Variants in DNAH9 observed in about 807,000 individuals in gnomAD.
DNAH9 encodes DNAH9 variant protein.
DNAH9 carries 345 observed loss-of-function variants against 471.6 expected under a neutral mutation model. The observed-to-expected ratio is 0.73, with a 90% CI of 0.67 to 0.80. DNAH9 has a LOEUF of 0.80. DNAH9 is among the 30% of genes least tolerant of loss of function. The probability of loss-of-function intolerance (pLI) is 0.00; values close to 1 mark genes in which losing one functional copy is unlikely to be tolerated. For synonymous variants in DNAH9, 2,093 were observed against 2,123.6 expected, an observed-to-expected ratio of 0.99 and a Z score of 0.40; for missense variants, 5,407 against 5,609.2, an observed-to-expected ratio of 0.96 and a Z score of 1.15.
chr17:11,664,801 G>A (rs1262518565), intron 14 of DNAH9, 32 bp from the exon 15 acceptor site: 17 of 1,587,524 alleles, frequency 1.1e-5, no homozygotes, highest in African/African-American at 1.4e-5. Context: ...GCTATTAAAC[G>A]AGGTTTATAT....
At chr17:11,843,861 G>GTATATATATATATATA (rs1166364623) in intron 49 of DNAH9, among the ~76,000 whole-genome samples, 159 of 54,122 alleles carry the variant, frequency 2.9e-3, no homozygotes, top group African/African-American at 5.4e-3. Context: ...GTGTGTGTGT[G>GTATATATATATATATA]TGTATATATA....
intron 61 of DNAH9, among the ~76,000 whole-genome samples, chr17:11,912,825 A>G (rs1341026955): frequency 2.0e-5 from 3 of 152,178 alleles, no homozygotes; most frequent in Non-Finnish European, 2.9e-5. Flanking sequence ...CTAATAATCT[A>G]TACATCAGAA....
At position 11,699,623 on chromosome 17, in the gene DNAH9, A is replaced by T. The variant is rs1049059735; in HGVS notation, c.4873-108A>T. 4.2e-6 allele frequency: 4 copies of T among 950,662 alleles called. No individual in the cohort carries two copies. The African/African-American group carries it at 6.5e-5, about 15-fold the overall frequency. The allele number at this position is 950,662 out of a possible 1,614,324, so 58.9% of individuals were successfully genotyped here. On this transcript the variant is annotated intron_variant, in intron 22 of 68. Transcript: ENST00000262442. ...ACTTCCTTCTAAATGCTTGGTATCCACCACTCTGTCTTTCACAATGATTGC... is the reference window on the plus strand; with the variant it reads ...ACTTCCTTCTAAATGCTTGGTATCCTCCACTCTGTCTTTCACAATGATTGC...
chr17:11,751,842 G>A (rs1967163842), intron 32 of DNAH9, among the ~76,000 whole-genome samples: 1 of 152,032 alleles, frequency 6.6e-6, no homozygotes, highest in Admixed American at 6.6e-5. Flanking sequence ...CCTAGAAAAT[G>A]TATTAGACAT....
chr17:11,712,484 G>A (rs1053268057), intron 26 of DNAH9, among the ~76,000 whole-genome samples: 2 of 151,926 alleles, frequency 1.3e-5, no homozygotes, highest in African/African-American at 2.4e-5. Context: ...TTAACTTCTC[G>A]AGAAACTGAT....
intron 54 of DNAH9, 33 bp downstream of exon 54, chr17:11,880,233 G>T (rs1392786810): frequency 1.2e-6 from 2 of 1,608,720 alleles, no homozygotes; most frequent in South Asian, 2.2e-5. Context: ...ACCCTTCGGG[G>T]GGAGCTGGTT....
At position 11,699,739 on chromosome 17, in the gene DNAH9, T is replaced by A; in HGVS notation, c.4881T>A (p.Arg1627=). The A allele has an allele frequency of 6.2e-7, 1 of 1,614,174 alleles. No homozygotes were observed. The highest frequency in any genetic ancestry group is 8.5e-7 in the Non-Finnish European group (1 of 1,180,014). ...CTGGTTTCCCTTCATAGGTTCAACG[T>A]CACCTTTCCAAACTCTTTGACAACA... The part of the protein sequence containing the change: ...SNGTAPQQVQ[R]HLSKLFDNMA... Residue 1627 remains arginine, a synonymous_variant, in exon 23 of 69, where the codon CGT becomes CGA. Transcript: ENST00000262442.
chr17:11,643,762 T>C (rs1016436585), intron 10 of DNAH9, among the ~76,000 whole-genome samples: 2 of 151,022 alleles, frequency 1.3e-5, no homozygotes, highest in African/African-American at 5.0e-5. Context: ...TAGCCTATGA[T>C]CAATACACTC....
chr17:11,910,631 A>T (rs1277247065), intron 61 of DNAH9, among the ~76,000 whole-genome samples: 1 of 152,184 alleles, frequency 6.6e-6, no homozygotes, highest in Non-Finnish European at 1.5e-5. Flanking sequence ...GAACTGCCAG[A>T]CTGTTTTCCA....
chr17:11,809,030 TGAGA>T (rs923910666), intron 44 of DNAH9, among the ~76,000 whole-genome samples: 1 of 152,022 alleles, frequency 6.6e-6, no homozygotes, highest in African/African-American at 2.4e-5. Context: ...GTGAGTAATG[TGAGA>T]GAGAGAGAAA....
At chr17:11,660,635 T>G (rs182040612) in intron 14 of DNAH9, among the ~76,000 whole-genome samples, 78 of 152,328 alleles carry the variant, frequency 5.1e-4, no homozygotes, top group African/African-American at 1.7e-3. Context: ...TGTTATAACT[T>G]ATTTTACTCA....
At chr17:11,884,040 AG>A (rs946876210) in intron 56 of DNAH9, among the ~76,000 whole-genome samples, 3 of 152,128 alleles carry the variant, frequency 2.0e-5, no homozygotes, top group Non-Finnish European at 4.4e-5. Flanking sequence ...TATTCTGTGC[AG>A]GGAATGGTAG....
At chr17:11,659,648 T>G (rs990692339) in intron 14 of DNAH9, among the ~76,000 whole-genome samples, 1 of 152,362 alleles carries the variant, frequency 6.6e-6, no homozygotes, top group South Asian at 2.1e-4. Context: ...GAGCATATGC[T>G]AAACCGTCAC....
In DNAH9 at chr17:11,747,635, T is replaced by G. The variant is rs769960018; in HGVS notation, c.6479T>G (p.Val2160Gly). The part of the protein sequence containing the change: ...VGGAGTGKSQ[V>G]LRSLHKTYQI... ...GGCGCTGGTACCGGCAAGTCACAGG[T>G]GCTGAGGTCCTTGCACAAGACCTAT... Residue 2160 changes from valine to glycine, a missense_variant, in exon 32 of 69, where the codon GTG becomes GGG. Coordinates refer to ENST00000262442, the MANE Select transcript of DNAH9 (RefSeq NM_001372.4). The G allele has an allele frequency of 9.3e-6, 15 of 1,614,054 alleles. No individual in the cohort carries two copies. Among genetic ancestry groups the G allele is most frequent in the Non-Finnish European group, 1.3e-5 (15 of 1,179,992 alleles).
chr17:11,679,977 G>A lies in DNAH9; in HGVS notation c.3574G>A (p.Glu1192Lys). Residue 1192 changes from glutamate (E) to lysine (K), a missense_variant and splice_region_variant, in exon 18 of 69, where the codon GAG (glutamate) becomes AAG (lysine). By Grantham distance (56) the Glu-to-Lys change is moderately conservative (BLOSUM62 1). Around this residue, in one of 3 missense-constraint regions of DNAH9, gnomAD observed 4,636 missense variants for 4,900.3 expected, o/e 0.95. Transcript: ENST00000262442. ...GCCAGAAACAGTGTTTAAGCAGCTG[G>A]AGGTCAGTGCATTTATGTCTTCCTT... ...ELPETVFKQL[E>K]ELPEKWNNIK... 3 of 1,611,688 alleles carry A rather than the reference G, an allele frequency of 1.9e-6. No homozygotes were observed. Among genetic ancestry groups the A allele is most frequent in the Non-Finnish European group, 2.5e-6 (3 of 1,177,886 alleles).
Position 11,608,134 on chromosome 17 carries a change from T to C in DNAH9, c.423T>C (p.Val141=). 6.3e-7 allele frequency: 1 copy of C among 1,592,640 alleles called. No homozygotes were observed. The highest frequency in any genetic ancestry group is 2.3e-5 in the East Asian group (1 of 44,334). Residue 141 remains valine (V), a synonymous_variant, in exon 2 of 69, where the codon GTT becomes GTC. Coordinates refer to ENST00000262442, the MANE Select transcript of DNAH9 (RefSeq NM_001372.4). ...EHLAALFSEV[V]LPVLANEKNR... ...CCTGTGCACCTCTGTTCCAGGTTGT[T>C]CTACCCGTCCTGGCCAATGAGAAGA...
At chr17:11,884,468 A>T (rs1972820174) in intron 56 of DNAH9, 3 of 426,018 alleles carry the variant, frequency 7.0e-6, no homozygotes, top group Admixed American at 2.5e-5. Context: ...GGCCCTGAGC[A>T]GGACAGAGCA....
intron 26 of DNAH9, among the ~76,000 whole-genome samples, chr17:11,717,015 A>G (rs2074976379): frequency 6.6e-6 from 1 of 152,250 alleles, no homozygotes; most frequent in South Asian, 2.1e-4. Context: ...ATAGGGCTCC[A>G]TGAATATCTA....
intron 52 of DNAH9, among the ~76,000 whole-genome samples, chr17:11,872,922 AAAAC>A (rs745500592): frequency 7.9e-5 from 12 of 152,250 alleles, no homozygotes; most frequent in East Asian, 1.9e-4. Context: ...TCCGTCTCAA[AAAAC>A]AAACAAACAA....
Sources: allele counts gnomAD v4.1 joint callset (sites outside exome capture counted in the v4.1 genomes callset), GRCh38; gene constraint gnomAD v4.1.1; regional missense constraint gnomAD v4.1.1; transcripts MANE v1.5; gene names NCBI Gene and HGNC (gene_info 2026-07-23, HGNC 2026-07-21).